The following PDE9A variants were observed in gnomAD, a reference collection of about 807,000 sequenced individuals.
PDE9A encodes phosphodiesterase 9A, also known as high affinity cGMP-specific 3',5'-cyclic phosphodiesterase 9A.
In PDE9A, 60 loss-of-function variants were observed where a neutral mutation model predicts 87.4. That is an observed-to-expected ratio of 0.69 (90% confidence interval 0.56 to 0.85). PDE9A has a LOEUF of 0.85. Ranked by LOEUF, PDE9A falls within the 40% of genes least tolerant of loss-of-function variation. The pLI is 0.00. For synonymous variants in PDE9A, 272 were observed against 279.4 expected, an observed-to-expected ratio of 0.97 and a Z score of 0.27; for missense variants, 665 against 779.0, an observed-to-expected ratio of 0.85 and a Z score of 1.74.
At position 42,669,307 on chromosome 21, in the gene PDE9A, G is replaced by A. The variant is rs370337317; in HGVS notation, c.69+15424G>A. On this transcript the variant is annotated intron_variant, in intron 1 of 19. Coordinates refer to ENST00000291539, the MANE Select transcript of PDE9A (RefSeq NM_002606.3). The stretch of plus-strand genomic sequence containing the variant: ...CTGCTGGTGGCTGCCAGCAGTTTGG[G>A]AATTGCGGCCGCATCACACCACCTT... Among the ~76,000 whole-genome samples the A allele has an allele frequency of 2.8e-4, 43 of 152,104 alleles. 1 individual carries two copies. Among genetic ancestry groups the A allele is most frequent in the African/African-American group, 1.0e-3 (43 of 41,478 alleles).
intron 4 of PDE9A, among the ~76,000 whole-genome samples, chr21:42,701,711 A>G (rs1042342783): frequency 2.6e-5 from 4 of 152,188 alleles, no homozygotes; most frequent in African/African-American, 9.7e-5. Flanking sequence ...GTGAGCCACC[A>G]TGCCCGACTG....
rs544071215 is a variant in PDE9A at position 42,770,566 on chromosome 21, G to A, written c.1591-137G>A. The A allele has an allele frequency of 1.7e-5, 11 of 646,098 alleles. No homozygotes were observed. The South Asian group carries it at 1.7e-4, about 10-fold the overall frequency. 40.0% of individuals were successfully genotyped at this position (646,098 alleles called of 1,614,324 possible). On this transcript the variant is annotated intron_variant, in intron 17 of 19. Coordinates refer to ENST00000291539, the MANE Select transcript of PDE9A (RefSeq NM_002606.3). The stretch of plus-strand genomic sequence containing the variant: ...AGAGCCGCAGTGGGTGGAGGCAGCA[G>A]AGCCGGCACGAGGGTGTCCAGGAGC...
intron 19 of PDE9A, among the ~76,000 whole-genome samples, chr21:42,773,911 T>C (rs999179717): frequency 1.5e-4 from 23 of 151,384 alleles, no homozygotes; most frequent in Admixed American, 2.6e-4. Flanking sequence ...GAGACCATCC[T>C]GGCTAACACG....
Position 42,723,090 on chromosome 21 carries a change from C to T in PDE9A, c.263-8680C>T, listed in dbSNP as rs559433032. ...GTCCATCCTGCCACCCACACAGCTG[C>T]GTCCTGCCCAGGAATGAGGCTGGCA... On this transcript the variant is annotated intron_variant, in intron 4 of 19. Coordinates refer to ENST00000291539, the MANE Select transcript of PDE9A (RefSeq NM_002606.3). This position sits in a 1 kb window ranked among gnomAD's most constrained non-coding sequence, Gnocchi z 4.3. Among the ~76,000 whole-genome samples the T allele has an allele frequency of 2.7e-4, 41 of 152,362 alleles. No homozygotes were observed. In the South Asian group the frequency reaches 6.6e-3, roughly 25 times the overall value.
At position 42,723,610 on chromosome 21, in the gene PDE9A, G is replaced by T. The variant is rs562032077; in HGVS notation, c.263-8160G>T. On this transcript the variant is annotated intron_variant, in intron 4 of 19. Coordinates refer to ENST00000291539, the MANE Select transcript of PDE9A (RefSeq NM_002606.3). The surrounding 1 kb of genome is among the most constrained non-coding windows in gnomAD (Gnocchi z 4.3). ...TCCACTCTAGCATGCAGACTCGGGG[G>T]CACTTTTAGATATTCTATTGGTTGT... Among the ~76,000 whole-genome samples the T allele has an allele frequency of 1.3e-5, 2 of 152,296 alleles. 1 individual carries two copies. The highest frequency in any genetic ancestry group is 1.3e-4 in the Admixed American group (2 of 15,310).
chr21:42,670,346 T>C (rs1210873628), intron 1 of PDE9A, among the ~76,000 whole-genome samples: 1 of 112,462 alleles, frequency 8.9e-6, no homozygotes, highest in Non-Finnish European at 1.9e-5. Context: ...TCACATACAT[T>C]TACACACACA....
intron 15 of PDE9A, among the ~76,000 whole-genome samples, chr21:42,766,193 CA>C (rs943307828): frequency 6.6e-6 from 1 of 151,858 alleles, no homozygotes; most frequent in African/African-American, 2.4e-5. Flanking sequence ...ATAAAAAAAT[CA>C]GTGCATATCT....
At chr21:42,684,106 C>T (rs570786259) in intron 1 of PDE9A, among the ~76,000 whole-genome samples, 92 of 152,356 alleles carry the variant, frequency 6.0e-4, no homozygotes, top group African/African-American at 1.4e-3. Context: ...GGGCCCAACC[C>T]GGACCCACTG....
intron 7 of PDE9A, among the ~76,000 whole-genome samples, chr21:42,736,023 C>T (rs958982553): frequency 2.6e-5 from 4 of 152,022 alleles, no homozygotes; most frequent in Admixed American, 6.6e-5. Context: ...CAAAAAGCCA[C>T]GCAGTCACTA....
At chr21:42,685,578 C>T (rs985390452) in intron 1 of PDE9A, among the ~76,000 whole-genome samples, 2 of 149,950 alleles carry the variant, frequency 1.3e-5, no homozygotes, top group African/African-American at 5.0e-5. Context: ...GCGATTCTCC[C>T]GGCTCAGCCT....
intron 10 of PDE9A, among the ~76,000 whole-genome samples, chr21:42,756,597 CG>C (rs2055075902): frequency 6.6e-6 from 1 of 151,564 alleles, no homozygotes; most frequent in Non-Finnish European, 1.5e-5. Context: ...CTCTATCCTC[CG>C]AGGGCCCAGG....
At chr21:42,765,522 C>T (rs367660968) in intron 15 of PDE9A, 28 bp downstream of exon 15, 44 of 1,343,868 alleles carry the variant, frequency 3.3e-5, no homozygotes, top group South Asian at 1.1e-4. Context: ...CCTGGGTGGG[C>T]AGCCAGGCGG....
At chr21:42,772,125 G>A (rs936021893) in intron 18 of PDE9A, among the ~76,000 whole-genome samples, 2 of 152,158 alleles carry the variant, frequency 1.3e-5, no homozygotes, top group Non-Finnish European at 2.9e-5. Flanking sequence ...AAAAAGGAGA[G>A]ACACGCCAAA....
intron 4 of PDE9A, 114 bp downstream of exon 4, chr21:42,699,125 T>G: frequency 1.4e-6 from 1 of 714,152 alleles, no homozygotes; most frequent in Non-Finnish European, 2.5e-6. Flanking sequence ...TTGAAATATA[T>G]ATGAGTTACC....
chr21:42,679,662 C>G (rs1282388857), intron 1 of PDE9A, among the ~76,000 whole-genome samples: 4 of 152,264 alleles, frequency 2.6e-5, no homozygotes, highest in Non-Finnish European at 5.9e-5. Context: ...TCCCGATAAG[C>G]CTTTCCACGG....
chr21:42,734,235 C>G (rs2052146859), intron 7 of PDE9A: 1 of 152,202 alleles, frequency 6.6e-6, no homozygotes, highest in South Asian at 2.1e-4. Flanking sequence ...AAAGGAAAAG[C>G]AGAAAAAGGA....
intron 15 of PDE9A, among the ~76,000 whole-genome samples, chr21:42,767,378 A>G (rs9325641): frequency 0.5 from 75,647 of 151,834 alleles, 19,957 homozygotes; most frequent in African/African-American, 0.68. Flanking sequence ...ATTGCCTCTG[A>G]TCTGGAGCCG....
Position 42,739,252 on chromosome 21 carries a change from C to T in PDE9A, c.569-4524C>T, listed in dbSNP as rs1602375147. Among the ~76,000 whole-genome samples the T allele has an allele frequency of 6.6e-6, 1 of 152,242 alleles. No individual in the cohort carries two copies. The highest frequency in any genetic ancestry group is 2.4e-5 in the African/African-American group (1 of 41,460). ...CGACGTCCAGGCTCCACGGTAGGGCCGTCCTGCTGCTGTCTGCAGACCTCT... is the reference window on the plus strand; with the variant it reads ...CGACGTCCAGGCTCCACGGTAGGGCTGTCCTGCTGCTGTCTGCAGACCTCT... On this transcript the variant is annotated intron_variant, in intron 7 of 19. Coordinates refer to ENST00000291539, the MANE Select transcript of PDE9A (RefSeq NM_002606.3). This position sits in a 1 kb window ranked among gnomAD's most constrained non-coding sequence, Gnocchi z 4.1.
rs1302278463 is a variant in PDE9A, at chr21:42,732,054, C to T, written c.443-16C>T. 8 of 1,614,094 alleles carry T rather than the reference C, an allele frequency of 5.0e-6. No individual in the cohort carries two copies. Among genetic ancestry groups the T allele is most frequent in the Non-Finnish European group, 6.8e-6 (8 of 1,179,900 alleles). Reference sequence around the variant, plus strand: ...TCTTGTCCGTGTTCCATCTGTCTTTCTTCTTTGGTTTGTAGAGAGAGAAGA... The same window carrying T: ...TCTTGTCCGTGTTCCATCTGTCTTTTTTCTTTGGTTTGTAGAGAGAGAAGA... On this transcript the variant is annotated splice_polypyrimidine_tract_variant and intron_variant, in intron 5 of 19. Transcript: ENST00000291539.
Sources: gnomAD v4.1 joint callset for allele counts (sites outside exome capture counted in the v4.1 genomes callset) on GRCh38, gnomAD v4.1.1 for gene constraint, Gnocchi (gnomAD v3.1) non-coding constraint, MANE v1.5 for transcripts, NCBI Gene and HGNC (gene_info 2026-07-23, HGNC 2026-07-21) for gene names.